Variants in RAPGEF4 observed in about 807,000 individuals in gnomAD.
The protein encoded by RAPGEF4 is Rap guanine nucleotide exchange factor 4.
In RAPGEF4, 66 loss-of-function variants were observed where a neutral mutation model predicts 147.9. The observed-to-expected ratio is 0.45, with a 90% CI of 0.37 to 0.55. The LOEUF (loss-of-function observed/expected upper bound fraction) is 0.55, where lower values mean the gene tolerates loss of function less well. Among genes scored for constraint, RAPGEF4 ranks in the 20% least tolerant of loss-of-function variants. The pLI, the probability that RAPGEF4 is intolerant of heterozygous loss-of-function variation, is 0.00. For synonymous variants in RAPGEF4, 419 were observed against 442.7 expected (o/e 0.95, Z 0.67); for missense variants, 1,071 against 1,257.3 (o/e 0.85, Z 2.24).
At chr2:172,779,866 G>A (rs7585545) in intron 1 of RAPGEF4, among the ~76,000 whole-genome samples, 1,831 of 152,220 alleles carry the variant, frequency 0.012, 33 homozygotes, top group African/African-American at 0.038. Context: ...TAATATTTGC[G>A]TGTATATTTC....
chr2:172,921,598 T>C (rs1033076684), intron 5 of RAPGEF4, among the ~76,000 whole-genome samples: 3 of 152,204 alleles, frequency 2.0e-5, no homozygotes, highest in Non-Finnish European at 2.9e-5. Context: ...AACCTCCCAG[T>C]GTGGCCACCC....
chr2:172,883,679 C>T (rs1696864508), intron 4 of RAPGEF4, among the ~76,000 whole-genome samples: 1 of 152,092 alleles, frequency 6.6e-6, no homozygotes, highest in Admixed American at 6.5e-5. Flanking sequence ...GTTTTTCTCT[C>T]CTAGAAGATG....
chr2:172,933,554 G>A (rs962573853), intron 6 of RAPGEF4, among the ~76,000 whole-genome samples: 2 of 152,144 alleles, frequency 1.3e-5, no homozygotes, highest in African/African-American at 2.4e-5. Flanking sequence ...AGACTAGAGA[G>A]TGATAATGAG....
intron 1 of RAPGEF4, among the ~76,000 whole-genome samples, chr2:172,778,587 A>G (rs1684394132): frequency 6.6e-6 from 1 of 152,070 alleles, no homozygotes; most frequent in Non-Finnish European, 1.5e-5. Context: ...ACCATTTTCA[A>G]TTTGGGCCTA....
intron 1 of RAPGEF4, among the ~76,000 whole-genome samples, chr2:172,785,381 T>A (rs1363003263): frequency 6.6e-6 from 1 of 152,310 alleles, no homozygotes; most frequent in African/African-American, 2.4e-5. Context: ...AGATACTTTT[T>A]AAAAAATGTC....
At chr2:173,014,321 GT>G in intron 17 of RAPGEF4, 142 bp from the exon 18 acceptor site, 1 of 1,004,980 alleles carries the variant, frequency 1.0e-6, no homozygotes. Flanking sequence ...TTTCTGTGGG[GT>G]TTTTCATGAG....
intron 1 of RAPGEF4, among the ~76,000 whole-genome samples, chr2:172,773,920 A>G (rs1190267226): frequency 6.6e-6 from 1 of 152,116 alleles, no homozygotes; most frequent in Non-Finnish European, 1.5e-5. Context: ...ATCTGCAGAG[A>G]AGTGGAAGAA....
At chr2:172,976,117 A>G (rs953784457) in intron 10 of RAPGEF4, among the ~76,000 whole-genome samples, 2 of 152,210 alleles carry the variant, frequency 1.3e-5, no homozygotes, top group African/African-American at 4.8e-5. Flanking sequence ...TAACTTCACA[A>G]AGCAGAAAAG....
chr2:172,738,292 C>G lies in RAPGEF4; in HGVS notation c.65+2244C>G, dbSNP rs1182726988. Among the ~76,000 whole-genome samples the G allele has an allele frequency of 2.0e-5, 3 of 152,156 alleles. No homozygotes were observed. In the East Asian group the frequency reaches 5.8e-4, roughly 29 times the overall value. On this transcript the variant is annotated intron_variant, in intron 1 of 30. Coordinates refer to ENST00000397081, the MANE Select transcript of RAPGEF4 (RefSeq NM_007023.4). The stretch of plus-strand genomic sequence containing the variant: ...TAAATGCTATCTTGATCTTCTTTTC[C>G]AGGCACTGTGCTGGGCACTGGGGAT...
intron 6 of RAPGEF4, among the ~76,000 whole-genome samples, chr2:172,931,713 C>A (rs938407409): frequency 3.3e-5 from 5 of 152,136 alleles, no homozygotes; most frequent in African/African-American, 1.2e-4. Context: ...TTGTTTGGGG[C>A]ACATCGGAGA....
chr2:173,002,987 GA>G (rs111980678), intron 17 of RAPGEF4, among the ~76,000 whole-genome samples: 3 of 152,228 alleles, frequency 2.0e-5, no homozygotes, highest in African/African-American at 7.2e-5. Flanking sequence ...TTGCTGGAAG[GA>G]AAAATAAAAT....
At chr2:172,749,012 G>A (rs1695022866) in intron 1 of RAPGEF4, among the ~76,000 whole-genome samples, 1 of 152,228 alleles carries the variant, frequency 6.6e-6, no homozygotes, top group Non-Finnish European at 1.5e-5. Flanking sequence ...GATGCAAGAA[G>A]TAGGTCCCCA....
chr2:172,916,150 G>C (rs1028280798), intron 4 of RAPGEF4, among the ~76,000 whole-genome samples: 3 of 152,160 alleles, frequency 2.0e-5, no homozygotes, highest in Non-Finnish European at 4.4e-5. Context: ...CAGGTGCTAT[G>C]GGGCTTGAAG....
chr2:172,992,327 A>G (rs1425621407), intron 15 of RAPGEF4, among the ~76,000 whole-genome samples: 2 of 152,228 alleles, frequency 1.3e-5, no homozygotes, highest in African/African-American at 2.4e-5. Context: ...CTTCCAGTCC[A>G]CTAAGGAGGA....
intron 17 of RAPGEF4, 102 bp from the exon 18 acceptor site, chr2:173,014,362 A>C (rs1466563976): frequency 6.8e-7 from 1 of 1,474,330 alleles, no homozygotes; most frequent in Non-Finnish European, 9.4e-7. Context: ...ATCCATCTAA[A>C]AGCCTGGCTT....
At position 172,987,433 on chromosome 2, in the gene RAPGEF4, A is replaced by T. The variant is rs566258055; in HGVS notation, c.1151-763A>T. Among the ~76,000 whole-genome samples the T allele has an allele frequency of 2.6e-5, 4 of 152,274 alleles. No individual in the cohort carries two copies. In the South Asian group the frequency reaches 8.3e-4, roughly 32 times the overall value. ...AATGTAGTGGTGATCATTCTAACTC[A>T]CTTTTTTAAAAATACAGTCAGTCCT... On this transcript the variant is annotated intron_variant, in intron 12 of 30. Coordinates refer to ENST00000397081, the MANE Select transcript of RAPGEF4 (RefSeq NM_007023.4).
chr2:172,900,555 A>G (rs1373799975), intron 4 of RAPGEF4, among the ~76,000 whole-genome samples: 1 of 152,202 alleles, frequency 6.6e-6, no homozygotes, highest in Non-Finnish European at 1.5e-5. Flanking sequence ...TAGTTTTGAT[A>G]TAATTTTAAA....
chr2:172,951,822 C>A (rs1483539067), intron 6 of RAPGEF4, among the ~76,000 whole-genome samples: 5 of 152,000 alleles, frequency 3.3e-5, no homozygotes, highest in African/African-American at 1.2e-4. Context: ...GGATTTGGGG[C>A]AACATGATCT....
At chr2:172,945,415 C>G (rs1226039707) in intron 6 of RAPGEF4, among the ~76,000 whole-genome samples, 1 of 151,974 alleles carries the variant, frequency 6.6e-6, no homozygotes, top group Admixed American at 6.6e-5. Context: ...GTTTCTGAGT[C>G]CTTAAAGGTT....
Sources: allele counts gnomAD v4.1 joint callset (sites outside exome capture counted in the v4.1 genomes callset), GRCh38; gene constraint gnomAD v4.1.1; transcripts MANE v1.5; gene names NCBI Gene and HGNC (gene_info 2026-07-23, HGNC 2026-07-21).